The following MAGI1 variants were observed in gnomAD, a reference collection of about 807,000 sequenced individuals.
MAGI1 encodes the protein membrane associated guanylate kinase, WW and PDZ domain containing 1, also known as membrane-associated guanylate kinase, WW and PDZ domain-containing protein 1.
MAGI1 carries 58 observed loss-of-function variants against 139.9 expected under a neutral mutation model. The observed-to-expected ratio is 0.41, with a 90% CI of 0.34 to 0.52. The LOEUF (loss-of-function observed/expected upper bound fraction) is 0.52, where lower values mean the gene tolerates loss of function less well. Ranked by LOEUF, MAGI1 falls within the 20% of genes least tolerant of loss-of-function variation. The probability of loss-of-function intolerance (pLI) is 0.12; values close to 1 mark genes in which losing one functional copy is unlikely to be tolerated. For missense variants in MAGI1, 1,874 were observed against 1,901.6 expected, an observed-to-expected ratio of 0.99 and a Z score of 0.27; for synonymous variants, 812 against 737.9, an observed-to-expected ratio of 1.10 and a Z score of -1.63.
chr3:65,559,567 C>T (rs1347719740), intron 2 of MAGI1, among the ~76,000 whole-genome samples: 1 of 152,176 alleles, frequency 6.6e-6, no homozygotes, highest in Non-Finnish European at 1.5e-5. Flanking sequence ...TCATACAGTG[C>T]TTACTGTGTG....
intron 1 of MAGI1, among the ~76,000 whole-genome samples, chr3:66,028,818 A>G (rs2068441403): frequency 6.6e-6 from 1 of 152,270 alleles, no homozygotes; most frequent in East Asian, 1.9e-4. Context: ...AAAAGGCAGC[A>G]TCTGAATCAA....
intron 1 of MAGI1, among the ~76,000 whole-genome samples, chr3:65,835,526 T>C (rs1019071761): frequency 6.6e-6 from 1 of 152,240 alleles, no homozygotes; most frequent in Non-Finnish European, 1.5e-5. Context: ...TTCCTGAGTT[T>C]CTGATTCTTG....
chr3:65,391,484 C>T, intron 13 of MAGI1, 126 bp from the exon 14 acceptor site: 1 of 717,646 alleles, frequency 1.4e-6, no homozygotes, highest in East Asian at 2.7e-5. Flanking sequence ...AGTATTTTGG[C>T]TCCCACCTTT....
chr3:65,822,762 T>G (rs971428368), intron 1 of MAGI1, among the ~76,000 whole-genome samples: 2 of 152,006 alleles, frequency 1.3e-5, no homozygotes, highest in Admixed American at 6.6e-5. Flanking sequence ...AGTGTGAGGG[T>G]AGAGGTGATA....
At chr3:65,782,596 T>C (rs569229766) in intron 1 of MAGI1, among the ~76,000 whole-genome samples, 1 of 104,982 alleles carries the variant, frequency 9.5e-6, no homozygotes, top group South Asian at 3.1e-4. Flanking sequence ...TTTTTTAAAG[T>C]ATATGGATTT....
chr3:65,371,416 A>G (rs1339958676), intron 18 of MAGI1, among the ~76,000 whole-genome samples: 5 of 152,238 alleles, frequency 3.3e-5, no homozygotes, highest in Non-Finnish European at 7.3e-5. Context: ...TAATTTTAAA[A>G]TACTTTATTG....
chr3:65,617,814 T>A lies in MAGI1; in HGVS notation c.430+4158A>T, dbSNP rs541111920. ...AAGAATATCTTTTTCCATTTCTTCA[T>A]TTGTTCATGCGTTCAACAAATACTT... On this transcript the variant is annotated intron_variant, in intron 2 of 22. Transcript: ENST00000402939. Among the ~76,000 whole-genome samples, 23 of 152,326 alleles carry A rather than the reference T, an allele frequency of 1.5e-4. No homozygotes were observed. The South Asian group carries it at 4.6e-3, about 30-fold the overall frequency.
At chr3:65,623,914 G>A (rs1193231498) in intron 1 of MAGI1, among the ~76,000 whole-genome samples, 1 of 152,020 alleles carries the variant, frequency 6.6e-6, no homozygotes, top group Non-Finnish European at 1.5e-5. Context: ...AGTATTTACT[G>A]AATGAAGACA....
At chr3:65,470,798 A>C (rs949637295) in intron 4 of MAGI1, among the ~76,000 whole-genome samples, 8 of 152,202 alleles carry the variant, frequency 5.3e-5, no homozygotes, top group Admixed American at 2.6e-4. Context: ...TCAAACTCTT[A>C]AACTAAGAAG....
intron 1 of MAGI1, among the ~76,000 whole-genome samples, chr3:65,912,387 G>A (rs559049333): frequency 6.6e-6 from 1 of 152,272 alleles, no homozygotes; most frequent in East Asian, 1.9e-4. Flanking sequence ...CCCAGTCTGG[G>A]ATTAAAAACT....
chr3:65,380,180 T>C (rs1172437926), intron 16 of MAGI1, among the ~76,000 whole-genome samples: 1 of 152,192 alleles, frequency 6.6e-6, no homozygotes, highest in Non-Finnish European at 1.5e-5. Flanking sequence ...CTTCTGAATT[T>C]AGTCACCGTT....
chr3:65,539,214 AAC>A (rs1339328441), intron 2 of MAGI1, among the ~76,000 whole-genome samples: 2 of 152,140 alleles, frequency 1.3e-5, no homozygotes, highest in African/African-American at 4.8e-5. Context: ...ATCAACTGGA[AAC>A]ACATACCAAC....
intron 1 of MAGI1, among the ~76,000 whole-genome samples, chr3:65,809,964 T>A (rs1330226211): frequency 6.6e-6 from 1 of 150,512 alleles, no homozygotes; most frequent in Non-Finnish European, 1.5e-5. Flanking sequence ...ACACACAACC[T>A]CACATATATC....
At chr3:65,665,637 G>T (rs1284839110) in intron 1 of MAGI1, among the ~76,000 whole-genome samples, 1 of 152,138 alleles carries the variant, frequency 6.6e-6, no homozygotes, top group Non-Finnish European at 1.5e-5. Flanking sequence ...TCCCTTAGCA[G>T]ATCAGTATTT....
Position 65,442,269 on chromosome 3 carries a change from C to G in MAGI1, c.1136+523G>C, listed in dbSNP as rs193182687. On this transcript the variant is annotated intron_variant, in intron 8 of 22. Coordinates refer to ENST00000402939, the MANE Select transcript of MAGI1 (RefSeq NM_001033057.2). ...GGCAAGAGAGAAACAAAGAAACACA[C>G]AAAGTCTGCATCCTAGGCTAGTTCT... Among the ~76,000 whole-genome samples, 191 of 152,234 alleles carry G rather than the reference C, an allele frequency of 1.3e-3. 1 individual carries two copies. Among genetic ancestry groups the G allele is most frequent in the African/African-American group, 4.2e-3 (176 of 41,540 alleles).
intron 18 of MAGI1, 152 bp from the exon 19 acceptor site, chr3:65,365,098 G>T: frequency 1.3e-6 from 1 of 782,380 alleles, no homozygotes. Context: ...ACAATTAGGA[G>T]TTTAATAAAC....
intron 5 of MAGI1, among the ~76,000 whole-genome samples, chr3:65,467,718 G>T (rs1950258821): frequency 1.3e-5 from 2 of 152,142 alleles, no homozygotes; most frequent in African/African-American, 4.8e-5. Context: ...AGTCAGTCTT[G>T]AACAAAATTA....
intron 1 of MAGI1, among the ~76,000 whole-genome samples, chr3:65,892,693 A>C (rs1177929670): frequency 6.6e-6 from 1 of 152,198 alleles, no homozygotes. Flanking sequence ...TACCTGGGGC[A>C]CTTAATCACA....
In MAGI1 at chr3:65,545,075, C is replaced by T. The variant is rs566536804; in HGVS notation, c.431-51444G>A. ...AGTTTACCAAAATGGTTAGAGATGA[C>T]GGAAATTAAGACCTAAATCTTAGAA... On this transcript the variant is annotated intron_variant, in intron 2 of 22. Coordinates refer to ENST00000402939, the MANE Select transcript of MAGI1 (RefSeq NM_001033057.2). Among the ~76,000 whole-genome samples the T allele has an allele frequency of 1.7e-4, 26 of 152,110 alleles. No individual in the cohort carries two copies. The South Asian group carries it at 5.0e-3, about 29-fold the overall frequency.
Sources: gnomAD v4.1 joint callset for allele counts (sites outside exome capture counted in the v4.1 genomes callset) on GRCh38, gnomAD v4.1.1 for gene constraint, MANE v1.5 for transcripts, NCBI Gene and HGNC (gene_info 2026-07-23, HGNC 2026-07-21) for gene names.